Variants in OCA2 observed in about 807,000 individuals in gnomAD.
The protein encoded by OCA2 is OCA2 melanosomal transmembrane protein, also known as P protein.
A neutral mutation model predicts 100.2 loss-of-function variants in OCA2; 77 were observed. The observed-to-expected ratio is 0.77, with a 90% CI of 0.64 to 0.93. OCA2 has a LOEUF of 0.93. OCA2 is among the 40% of genes least tolerant of loss of function. OCA2 has a pLI of 0.00. For missense variants in OCA2, 1,062 were observed against 1,089.1 expected, an observed-to-expected ratio of 0.98 and a Z score of 0.35; for synonymous variants, 432 against 439.2, an observed-to-expected ratio of 0.98 and a Z score of 0.21.
intron 2 of OCA2, among the ~76,000 whole-genome samples, chr15:28,080,541 C>T (rs1171914925): frequency 1.3e-5 from 2 of 152,234 alleles, no homozygotes; most frequent in East Asian, 3.8e-4. Flanking sequence ...ACAGCATAGA[C>T]TGTAAGTCAA....
intron 19 of OCA2, among the ~76,000 whole-genome samples, chr15:27,914,831 T>A (rs2038602470): frequency 6.6e-6 from 1 of 152,070 alleles, no homozygotes; most frequent in Non-Finnish European, 1.5e-5. Flanking sequence ...CAAACACCAA[T>A]GATATTCTTC....
intron 23 of OCA2, among the ~76,000 whole-genome samples, chr15:27,766,194 TATA>T (rs1205449106): frequency 1.2e-4 from 19 of 152,310 alleles, no homozygotes; most frequent in African/African-American, 4.3e-4. Context: ...TGAAATTAAG[TATA>T]ATAATATATT....
At chr15:27,990,061 TG>T (rs2041500194) in intron 10 of OCA2, among the ~76,000 whole-genome samples, 1 of 152,078 alleles carries the variant, frequency 6.6e-6, no homozygotes, top group Admixed American at 6.5e-5. Context: ...CAGACAACTC[TG>T]GGCCTCCATC....
intron 23 of OCA2, among the ~76,000 whole-genome samples, chr15:27,773,793 T>C (rs78556039): frequency 0.024 from 3,636 of 152,328 alleles, 48 homozygotes; most frequent in Non-Finnish European, 0.03. Flanking sequence ...CACAGCCATT[T>C]CCTCTCAAAG....
downstream of OCA2, among the ~76,000 whole-genome samples, chr15:27,751,701 A>G (rs1595353761): frequency 6.6e-6 from 1 of 152,324 alleles, no homozygotes; most frequent in Middle Eastern, 3.4e-3. Context: ...AGGTATCCCA[A>G]GGGCAGACAC....
intron 14 of OCA2, 31 bp from the exon 15 acceptor site, chr15:27,966,853 A>C (rs1460400980): frequency 1.3e-6 from 2 of 1,592,748 alleles, no homozygotes; most frequent in Non-Finnish European, 1.7e-6. Flanking sequence ...ATGAAATGGC[A>C]GCCCAGGCAT....
At chr15:27,804,782 G>A (rs1268741100) in intron 23 of OCA2, among the ~76,000 whole-genome samples, 1 of 152,222 alleles carries the variant, frequency 6.6e-6, no homozygotes, top group Non-Finnish European at 1.5e-5. Context: ...CAGCTACCCA[G>A]CGCCTTGGGA....
At chr15:27,847,360 G>C (rs1023416568) in intron 22 of OCA2, among the ~76,000 whole-genome samples, 1 of 152,336 alleles carries the variant, frequency 6.6e-6, no homozygotes, top group African/African-American at 2.4e-5. Flanking sequence ...CCCCTCACAG[G>C]ATGGCTTCCC....
chr15:27,728,063 T>G, the OCA2 span, among the ~76,000 whole-genome samples: 1 of 152,094 alleles, frequency 6.6e-6, no homozygotes, highest in Non-Finnish European at 1.5e-5. Flanking sequence ...AAATCTCAAT[T>G]CATCATAGCA....
In OCA2 at chr15:27,837,086, A is replaced by C. The variant is rs373918240; in HGVS notation, c.2432+7873T>G. ...GTGTATCTTACGTGGGTGGCACTGA[A>C]ACGGTATGCCCTGGTCCCCATGGAG... On this transcript the variant is annotated intron_variant, in intron 23 of 23. Transcript: ENST00000354638. 4.9e-4 allele frequency among the ~76,000 whole-genome samples: 75 copies of C among 152,340 alleles called. 1 individual carries two copies. Among genetic ancestry groups the C allele is most frequent in the African/African-American group, 1.8e-3 (73 of 41,586 alleles).
intron 2 of OCA2, among the ~76,000 whole-genome samples, chr15:28,070,319 G>A (rs1404928205): frequency 7.3e-6 from 1 of 137,598 alleles, no homozygotes; most frequent in Non-Finnish European, 1.6e-5. Context: ...GTGGGGGGGG[G>A]TCAGCCCCCC....
intron 23 of OCA2, among the ~76,000 whole-genome samples, chr15:27,756,812 T>C (rs960416050): frequency 3.3e-5 from 5 of 152,030 alleles, no homozygotes; most frequent in Admixed American, 3.3e-4. Flanking sequence ...TGCCAAGGGG[T>C]GAATTCCACA....
rs562513216 is a variant in OCA2 at position 27,967,888 on chromosome 15, G to A, written c.1504-1066C>T. ...AATAAGTCAGCAGCATCATTGGTTG[G>A]TTCTGTTCTTTCACTGACGTCCTGG... is the stretch of plus-strand genomic sequence containing the variant. On this transcript the variant is annotated intron_variant, in intron 14 of 23. Transcript: ENST00000354638. 3.3e-5 allele frequency among the ~76,000 whole-genome samples: 5 copies of A among 151,914 alleles called. No individual in the cohort carries two copies. The South Asian group carries it at 6.2e-4, about 19-fold the overall frequency.
chr15:27,722,732 TTTC>T, the OCA2 span, among the ~76,000 whole-genome samples: 1 of 44,032 alleles, frequency 2.3e-5, no homozygotes, highest in African/African-American at 5.1e-5. Context: ...TTCTTCTTTC[TTTC>T]TTTCTTCTTT....
chr15:27,895,854 T>G (rs567146549), intron 19 of OCA2: 27 of 543,280 alleles, frequency 5.0e-5, no homozygotes, highest in African/African-American at 4.5e-4. Context: ...AAATACAGGA[T>G]GATAGTTTGT....
chr15:27,922,680 G>GTGTGTGTGTGTGTGTGTGTGT (rs61038958), intron 19 of OCA2, among the ~76,000 whole-genome samples: 1 of 147,114 alleles, frequency 6.8e-6, no homozygotes, highest in Non-Finnish European at 1.5e-5. Flanking sequence ...TTTTGTTTGG[G>GTGTGTGTGTGTGTGTGTGTGT]GTGTGTGTGT....
chr15:27,770,994 C>CCTT (rs2031781032), intron 23 of OCA2, among the ~76,000 whole-genome samples: 1 of 93,952 alleles, frequency 1.1e-5, no homozygotes, highest in Non-Finnish European at 2.4e-5. Context: ...TTTCTTCCTT[C>CCTT]CCTTCCTTCC....
Position 27,851,352 on chromosome 15 carries a change from C to T in OCA2, c.2338+30G>A, listed in dbSNP as rs201396266. 7.6e-6 allele frequency: 12 copies of T among 1,569,974 alleles called. No individual in the cohort carries two copies. In the South Asian group the frequency reaches 1.3e-4, roughly 18 times the overall value. On this transcript the variant is annotated intron_variant, in intron 22 of 23. Transcript: ENST00000354638. ...CTGAACCACAGTGTGGGCGTGCACC[C>T]CCACCCCCATGCAGTCAGCAGCCCC...
intron 19 of OCA2, among the ~76,000 whole-genome samples, chr15:27,906,995 A>G (rs2038203269): frequency 6.6e-6 from 1 of 152,186 alleles, no homozygotes. Context: ...ACAAGGACTA[A>G]TAGAGTGAGA....
Sources: gnomAD v4.1 joint callset for allele counts (sites outside exome capture counted in the v4.1 genomes callset) on GRCh38, gnomAD v4.1.1 for gene constraint, MANE v1.5 for transcripts, NCBI Gene and HGNC (gene_info 2026-07-23, HGNC 2026-07-21) for gene names.